ROBO2: variants seen among roughly 807,000 people sequenced by gnomAD.
ROBO2 encodes the protein roundabout homolog 2.
ROBO2 carries 53 observed loss-of-function variants against 160.8 expected under a neutral mutation model. The observed-to-expected ratio is 0.33, with a 90% CI of 0.26 to 0.41. The LOEUF (loss-of-function observed/expected upper bound fraction) is 0.41, where lower values mean the gene tolerates loss of function less well. ROBO2 is among the 10% of genes least tolerant of loss of function. The probability of loss-of-function intolerance (pLI) is 1.00; values close to 1 mark genes in which losing one functional copy is unlikely to be tolerated. For synonymous variants in ROBO2, 664 were observed against 611.7 expected, an observed-to-expected ratio of 1.09 and a Z score of -1.26; for missense variants, 1,577 against 1,722.4, an observed-to-expected ratio of 0.92 and a Z score of 1.49.
rs148230711 is a variant in ROBO2 at position 77,219,703 on chromosome 3, C to T, written c.388+121363C>T. On this transcript the variant is annotated intron_variant, in intron 2 of 25. Transcript: ENST00000461745. ...AAAATGGTTAAACAGTAGTATTTGC[C>T]GTCTACAAGTCACAAAGCTATTGTG... 7.8e-4 allele frequency among the ~76,000 whole-genome samples: 118 copies of T among 150,840 alleles called. 2 individuals carry two copies. In the East Asian group the frequency reaches 0.015, roughly 19 times the overall value.
intron 2 of ROBO2, among the ~76,000 whole-genome samples, chr3:76,704,790 G>T (rs1209797819): frequency 6.6e-6 from 1 of 152,092 alleles, no homozygotes; most frequent in East Asian, 1.9e-4. Flanking sequence ...TAAGGTCATA[G>T]CTAAGCAGGG....
At chr3:76,707,566 C>T (rs1041160092) in intron 2 of ROBO2, among the ~76,000 whole-genome samples, 3 of 151,342 alleles carry the variant, frequency 2.0e-5, no homozygotes, top group Non-Finnish European at 4.4e-5. Flanking sequence ...TGACTCCTCC[C>T]TCTACTGACA....
intron 2 of ROBO2, among the ~76,000 whole-genome samples, chr3:76,810,987 A>G (rs755703081): frequency 1.3e-5 from 2 of 152,190 alleles, no homozygotes; most frequent in Admixed American, 6.5e-5. Context: ...TCAGTGATTT[A>G]TCAGTTAATC....
chr3:76,819,988 C>T (rs983976761), intron 2 of ROBO2, among the ~76,000 whole-genome samples: 1 of 152,060 alleles, frequency 6.6e-6, no homozygotes, highest in Admixed American at 6.6e-5. Flanking sequence ...GTGTTCTAAT[C>T]AAAGACATAA....
At chr3:77,233,433 G>T (rs549333766) in intron 2 of ROBO2, among the ~76,000 whole-genome samples, 1 of 152,202 alleles carries the variant, frequency 6.6e-6, no homozygotes, top group African/African-American at 2.4e-5. Context: ...ATTAGGCCCT[G>T]GTGACAGGAG....
chr3:76,146,981 T>C (rs1454248438), intron 2 of ROBO2, among the ~76,000 whole-genome samples: 1 of 149,724 alleles, frequency 6.7e-6, no homozygotes, highest in African/African-American at 2.5e-5. Context: ...AGGGTAGAGA[T>C]TGGGAGGTGG....
At chr3:77,310,709 G>A (rs965114877) in intron 2 of ROBO2, among the ~76,000 whole-genome samples, 16 of 151,952 alleles carry the variant, frequency 1.1e-4, no homozygotes, top group Non-Finnish European at 1.6e-4. Flanking sequence ...TTTCAGAACA[G>A]TTATCCAATA....
intron 2 of ROBO2, among the ~76,000 whole-genome samples, chr3:76,672,035 T>G (rs368806696): frequency 3.3e-5 from 5 of 152,104 alleles, no homozygotes; most frequent in African/African-American, 1.2e-4. Context: ...GTGATTAAGA[T>G]GGTCTATGAA....
At chr3:76,610,326 G>A (rs1294377394) in intron 2 of ROBO2, among the ~76,000 whole-genome samples, 2 of 152,210 alleles carry the variant, frequency 1.3e-5, no homozygotes, top group African/African-American at 2.4e-5. Flanking sequence ...CGCTCAGCCC[G>A]CTCAGCCAGG....
intron 2 of ROBO2, among the ~76,000 whole-genome samples, chr3:75,945,614 A>T (rs1576251135): frequency 6.6e-6 from 1 of 152,166 alleles, no homozygotes; most frequent in South Asian, 2.1e-4. Flanking sequence ...AAACTAGTGT[A>T]TTAAAGAAAT....
intron 2 of ROBO2, among the ~76,000 whole-genome samples, chr3:76,391,681 T>A (rs2077160802): frequency 6.6e-6 from 1 of 152,082 alleles, no homozygotes; most frequent in Admixed American, 6.5e-5. Flanking sequence ...CCAGCTAATT[T>A]TGTATTTTTA....
At chr3:76,219,826 G>A (rs1401419236) in intron 2 of ROBO2, among the ~76,000 whole-genome samples, 5 of 152,010 alleles carry the variant, frequency 3.3e-5, no homozygotes, top group Admixed American at 6.6e-5. Flanking sequence ...CCCATTACTG[G>A]GTATATACCC....
intron 2 of ROBO2, among the ~76,000 whole-genome samples, chr3:76,706,950 G>T (rs2093175402): frequency 6.6e-6 from 1 of 151,932 alleles, no homozygotes; most frequent in Non-Finnish European, 1.5e-5. Flanking sequence ...GGAGAATAGA[G>T]GATGAAGCCT....
chr3:77,486,026 G>A (rs529802866), intron 4 of ROBO2, among the ~76,000 whole-genome samples: 4 of 152,254 alleles, frequency 2.6e-5, no homozygotes, highest in South Asian at 2.1e-4. Context: ...GTAAGAACAC[G>A]CAGTGTTTGG....
intron 2 of ROBO2, among the ~76,000 whole-genome samples, chr3:77,198,416 G>A (rs2082506191): frequency 6.6e-6 from 1 of 152,106 alleles, no homozygotes; most frequent in Non-Finnish European, 1.5e-5. Flanking sequence ...TGAAAAAGCA[G>A]TTGGCTGATT....
chr3:76,064,477 TC>T (rs1458418113), intron 2 of ROBO2, among the ~76,000 whole-genome samples: 1 of 152,142 alleles, frequency 6.6e-6, no homozygotes, highest in Non-Finnish European at 1.5e-5. Flanking sequence ...AGTTCCACTC[TC>T]ATTAGAGAAT....
At chr3:76,393,353 A>G (rs2077251561) in intron 2 of ROBO2, among the ~76,000 whole-genome samples, 2 of 152,182 alleles carry the variant, frequency 1.3e-5, no homozygotes, top group Admixed American at 1.3e-4. Context: ...AAGAATTTGA[A>G]CACTTTTTAA....
At chr3:77,520,498 C>T (rs1479044224) in intron 5 of ROBO2, among the ~76,000 whole-genome samples, 9 of 151,116 alleles carry the variant, frequency 6.0e-5, no homozygotes, top group Non-Finnish European at 1.0e-4. Context: ...AATGACCAAT[C>T]GAAATAATAT....
At chr3:77,205,159 C>T (rs888675986) in intron 2 of ROBO2, among the ~76,000 whole-genome samples, 42 of 152,132 alleles carry the variant, frequency 2.8e-4, no homozygotes, top group African/African-American at 7.5e-4. Flanking sequence ...TTCACCAGGG[C>T]AGAGGGCTAG....
Sources: gnomAD v4.1 joint callset for allele counts (sites outside exome capture counted in the v4.1 genomes callset) on GRCh38, gnomAD v4.1.1 for gene constraint, MANE v1.5 for transcripts, NCBI Gene and HGNC (gene_info 2026-07-23, HGNC 2026-07-21) for gene names.